The following DNAJC11 variants were observed in gnomAD, a reference collection of about 807,000 sequenced individuals.
The protein encoded by DNAJC11 is DnaJ heat shock protein family (Hsp40) member C11, also known as dnaJ homolog subfamily C member 11.
DNAJC11 carries 15 observed loss-of-function variants against 78.6 expected under a neutral mutation model. The ratio of observed to expected loss-of-function variants is 0.19; its 90% CI spans 0.13 to 0.29. The LOEUF is 0.29. Among genes scored for constraint, DNAJC11 ranks in the 10% least tolerant of loss-of-function variants. DNAJC11 has a pLI of 1.00. For missense variants in DNAJC11, 547 were observed against 709.6 expected (o/e 0.77, Z 2.60); for synonymous variants, 292 against 272.1 (o/e 1.07, Z -0.72).
chr1:6,642,414 C>T (rs1641891869), intron 10 of DNAJC11, among the ~76,000 whole-genome samples: 1 of 152,056 alleles, frequency 6.6e-6, no homozygotes, highest in African/African-American at 2.4e-5. Context: ...ACTGGGGATA[C>T]AATTTTGGAG....
chr1:6,644,607 C>G lies in DNAJC11; in HGVS notation c.1048G>C (p.Gly350Arg). 1.2e-6 allele frequency: 2 copies of G among 1,614,182 alleles called. No individual in the cohort carries two copies. The highest frequency in any genetic ancestry group is 1.7e-6 in the Non-Finnish European group (2 of 1,180,040). Residue 350 changes from glycine to arginine, a missense_variant, in exon 10 of 16, where the codon GGT (glycine) becomes CGT (arginine). Physicochemically the swap from Gly to Arg is moderately radical, Grantham distance 125 (BLOSUM62 -2). Transcript: ENST00000377577. ...ERKISRHSVLGAAVSVGVPQG... is the reference protein window; with the variant it reads ...ERKISRHSVLRAAVSVGVPQG... The stretch of plus-strand genomic sequence containing the variant: ...GGAACTCCAACGCTGACAGCTGCAC[C>G]CAAAACGCTGTGCCTGGAGATCTTC...
In DNAJC11 at chr1:6,638,384, A is replaced by G. The variant is rs1641820278; in HGVS notation, c.1254-20T>C. 6.2e-7 allele frequency: 1 copy of G among 1,610,692 alleles called. No individual in the cohort carries two copies. ...AATTCCCTTACGCGAGAGGAACACA[A>G]GCCCCACGTTAGCGCGGCGCTGCCC... On this transcript the variant is annotated intron_variant, in intron 11 of 15. Transcript: ENST00000377577.
At chr1:6,652,775 T>C in intron 6 of DNAJC11, 54 bp downstream of exon 6, 1 of 1,609,322 alleles carries the variant, frequency 6.2e-7, no homozygotes, top group Non-Finnish European at 8.5e-7. Context: ...AGTGTAAATG[T>C]TCAGAAATAA....
Position 6,645,986 on chromosome 1 carries a change from GAC to G in DNAJC11, c.705-10_705-9del. On this transcript the variant is annotated splice_polypyrimidine_tract_variant and intron_variant, in intron 7 of 15. Coordinates refer to ENST00000377577, the MANE Select transcript of DNAJC11 (RefSeq NM_018198.4). The surrounding 1 kb of genome is among the most constrained non-coding windows in gnomAD (Gnocchi z 4.1). ...CAGTTTGTTGTCACAAAGCTGGAGAGACACAGAGACAGAATAGGTCCTGGATA... is the reference window on the plus strand; with the variant it reads ...CAGTTTGTTGTCACAAAGCTGGAGAGACAGAGACAGAATAGGTCCTGGATA... 2 of 1,613,804 alleles carry G rather than the reference GAC, an allele frequency of 1.2e-6. No individual in the cohort carries two copies. The highest frequency in any genetic ancestry group is 1.7e-6 in the Non-Finnish European group (2 of 1,179,792).
chr1:6,634,829 T>G lies in DNAJC11; in HGVS notation c.*846A>C, dbSNP rs767202908. The G allele has an allele frequency of 6.4e-6, 8 of 1,250,214 alleles. No individual in the cohort carries two copies. The South Asian group carries it at 1.1e-4, about 17-fold the overall frequency. 77.4% of individuals were successfully genotyped at this position (1,250,214 alleles called of 1,614,324 possible). A position where few individuals can be genotyped will look rare whatever the true frequency, so the allele number is the denominator to read the frequency against. On this transcript the variant is annotated 3_prime_UTR_variant, in exon 16 of 16. Coordinates refer to ENST00000377577, the MANE Select transcript of DNAJC11 (RefSeq NM_018198.4). The stretch of plus-strand genomic sequence containing the variant: ...GGGCCTGGGGTCCACGCCTTTGGGT[T>G]GGGTGTGTCTGATGTCTTGCCAAGC...
intron 4 of DNAJC11, among the ~76,000 whole-genome samples, chr1:6,666,942 C>T (rs929492009): frequency 6.6e-6 from 1 of 152,148 alleles, no homozygotes; most frequent in African/African-American, 2.4e-5. Flanking sequence ...CTGAACAGTA[C>T]ACCGGGCCAT....
chr1:6,650,796 C>T (rs1642041999), intron 7 of DNAJC11, among the ~76,000 whole-genome samples: 1 of 152,092 alleles, frequency 6.6e-6, no homozygotes, highest in Non-Finnish European at 1.5e-5. Flanking sequence ...TAGCTTGAAC[C>T]CAGGAGGCAG....
chr1:6,701,437 C>T lies in DNAJC11; in HGVS notation c.72+292G>A, dbSNP rs938468351. Among the ~76,000 whole-genome samples the T allele has an allele frequency of 3.3e-5, 5 of 152,330 alleles. No individual in the cohort carries two copies. In the Middle Eastern group the frequency reaches 0.01, roughly 311 times the overall value. On this transcript the variant is annotated intron_variant, in intron 1 of 15. Coordinates refer to ENST00000377577, the MANE Select transcript of DNAJC11 (RefSeq NM_018198.4). ...CCCACTACGGTGGCCTCCTCGGGGC[C>T]CCCGTTTCCTCTTGAGCGTGCGGGG... is the stretch of plus-strand genomic sequence containing the variant.
chr1:6,651,148 A>G (rs780579779), intron 7 of DNAJC11: 1 of 541,536 alleles, frequency 1.8e-6, no homozygotes, highest in Non-Finnish European at 3.8e-6. Context: ...GGCATATGTC[A>G]ATCAACCCGA....
intron 4 of DNAJC11, among the ~76,000 whole-genome samples, chr1:6,655,293 T>TA (rs1319893378): frequency 6.6e-6 from 1 of 152,184 alleles, no homozygotes; most frequent in African/African-American, 2.4e-5. Flanking sequence ...AGTGTTATGG[T>TA]AAAAAATTTT....
chr1:6,666,652 T>G (rs1276726262), intron 4 of DNAJC11, among the ~76,000 whole-genome samples: 4 of 152,202 alleles, frequency 2.6e-5, no homozygotes. Flanking sequence ...TCTGCCCGCC[T>G]CTGCCTCCCA....
At chr1:6,664,610 G>A (rs548544870) in intron 4 of DNAJC11, among the ~76,000 whole-genome samples, 10 of 152,298 alleles carry the variant, frequency 6.6e-5, no homozygotes, top group African/African-American at 2.4e-4. Flanking sequence ...CCTCCTCAGT[G>A]TTGAATGAAA....
rs1452053993 is a variant in DNAJC11, at chr1:6,634,608, G to C, written c.*1067C>G. The C allele has an allele frequency of 7.3e-7, 1 of 1,366,332 alleles. No homozygotes were observed. Among genetic ancestry groups the C allele is most frequent in the Non-Finnish European group, 9.8e-7 (1 of 1,021,826 alleles). The allele number at this position is 1,366,332 out of a possible 1,614,324, so 84.6% of individuals were successfully genotyped here. A position where few individuals can be genotyped will look rare whatever the true frequency, so the allele number is the denominator to read the frequency against. Reference sequence around the variant, plus strand: ...GCCACTTCCAGGCCCCGAGAGACAGGCCTCACGTAACTTTACTGCAGCCGA... The same window carrying C: ...GCCACTTCCAGGCCCCGAGAGACAGCCCTCACGTAACTTTACTGCAGCCGA... On this transcript the variant is annotated 3_prime_UTR_variant, in exon 16 of 16. Coordinates refer to ENST00000377577, the MANE Select transcript of DNAJC11 (RefSeq NM_018198.4).
chr1:6,698,222 G>A (rs1642870923), intron 1 of DNAJC11, among the ~76,000 whole-genome samples: 1 of 152,154 alleles, frequency 6.6e-6, no homozygotes, highest in South Asian at 2.1e-4. Flanking sequence ...GTACTTTGAA[G>A]TATCAGTGGG....
chr1:6,664,291 G>A (rs1642263029), intron 4 of DNAJC11, among the ~76,000 whole-genome samples: 1 of 150,970 alleles, frequency 6.6e-6, no homozygotes, highest in African/African-American at 2.4e-5. Flanking sequence ...CCAGGCTGGA[G>A]TGCAGTGGTG....
chr1:6,671,644 G>A (rs951032026), intron 3 of DNAJC11, among the ~76,000 whole-genome samples: 2 of 149,438 alleles, frequency 1.3e-5, no homozygotes, highest in African/African-American at 5.0e-5. Context: ...CCATTCTTCT[G>A]CCTCAGTCTC....
Position 6,634,458 on chromosome 1 carries a change from C to G in DNAJC11, c.*1217G>C. ...AGATACCAGTGCTGGGGAGGGAGGC[C>G]TGACTTCAGCAACAGCTGTGGGTGG... On this transcript the variant is annotated 3_prime_UTR_variant, in exon 16 of 16. Coordinates refer to ENST00000377577, the MANE Select transcript of DNAJC11 (RefSeq NM_018198.4). The G allele has an allele frequency of 7.7e-7, 1 of 1,301,570 alleles. No individual in the cohort carries two copies. The highest frequency in any genetic ancestry group is 1.0e-6 in the Non-Finnish European group (1 of 988,406). 80.6% of individuals were successfully genotyped at this position (1,301,570 alleles called of 1,614,324 possible).
chr1:6,654,585 T>C (rs1302203944), intron 4 of DNAJC11, among the ~76,000 whole-genome samples: 1 of 152,234 alleles, frequency 6.6e-6, no homozygotes, highest in Non-Finnish European at 1.5e-5. Flanking sequence ...ACACTGTATT[T>C]GCTCAAGGAA....
chr1:6,659,872 A>G (rs1184823410), intron 4 of DNAJC11, among the ~76,000 whole-genome samples: 1 of 151,790 alleles, frequency 6.6e-6, no homozygotes, highest in Non-Finnish European at 1.5e-5. Context: ...CCTGGCTAAC[A>G]AGGTGAAACC....
Sources: gnomAD v4.1 joint callset for allele counts (sites outside exome capture counted in the v4.1 genomes callset) on GRCh38, gnomAD v4.1.1 for gene constraint, Gnocchi (gnomAD v3.1) non-coding constraint, MANE v1.5 for transcripts, NCBI Gene and HGNC (gene_info 2026-07-23, HGNC 2026-07-21) for gene names.